SESN2: variants seen among roughly 807,000 people sequenced by gnomAD.
The protein encoded by SESN2 is sestrin-2.
Under a neutral mutation model 56.0 loss-of-function variants are expected in SESN2, and 42 were observed. The ratio of observed to expected loss-of-function variants is 0.75; its 90% CI spans 0.59 to 0.97. SESN2 has a LOEUF of 0.97. SESN2 is among the 50% of genes least tolerant of loss of function. SESN2 has a pLI of 0.00. For synonymous variants in SESN2, 264 were observed against 267.1 expected (o/e 0.99, Z 0.11); for missense variants, 507 against 649.4 (o/e 0.78, Z 2.38).
chr1:28,266,520 C>G (rs549821316), intron 1 of SESN2, among the ~76,000 whole-genome samples: 27 of 148,846 alleles, frequency 1.8e-4, no homozygotes, highest in African/African-American at 6.6e-4. Context: ...GTGGAGCTGT[C>G]ATTTGAGCTC....
chr1:28,279,574 C>T (rs1389938474), intron 9 of SESN2, among the ~76,000 whole-genome samples: 1 of 150,986 alleles, frequency 6.6e-6, no homozygotes, highest in Non-Finnish European at 1.5e-5. Context: ...TGAGATGAGT[C>T]TCCCTTTGTT....
chr1:28,266,143 G>T (rs1647552801), intron 1 of SESN2, among the ~76,000 whole-genome samples: 1 of 152,142 alleles, frequency 6.6e-6, no homozygotes, highest in African/African-American at 2.4e-5. Flanking sequence ...TTAGCATAGT[G>T]CCTTATACTT....
At chr1:28,273,281 C>T in intron 5 of SESN2, 77 bp from the exon 6 acceptor site, 2 of 1,409,714 alleles carry the variant, frequency 1.4e-6, no homozygotes, top group South Asian at 1.5e-5. Context: ...AAGGCCTGGC[C>T]TCTGGGAAGG....
rs762939539 is a variant in SESN2, at chr1:28,272,688, C to T, written c.645C>T (p.Gly215=). The T allele has an allele frequency of 3.7e-6, 6 of 1,613,954 alleles. No homozygotes were observed. The highest frequency in any genetic ancestry group is 5.1e-6 in the Non-Finnish European group (6 of 1,179,830). The stretch of plus-strand genomic sequence containing the variant: ...TCTCCTCCTTCGTGTTTGGCTGTGG[C>T]ATCCTCCCTGAGGGGGATGCAGATG... ...HSLSSFVFGC[G]ILPEGDADGS... Residue 215 remains glycine (G), a synonymous_variant, in exon 5 of 10, where the codon GGC becomes GGT. Transcript: ENST00000253063.
intron 1 of SESN2, among the ~76,000 whole-genome samples, chr1:28,266,716 A>G (rs75968730): frequency 0.014 from 2,193 of 152,084 alleles, 17 homozygotes; most frequent in Middle Eastern, 0.031. Flanking sequence ...GTGTGCTACC[A>G]TGCCCAGCTA....
chr1:28,275,111 CCTTT>C (rs1351088361), intron 8 of SESN2, 96 bp downstream of exon 8: 4 of 905,202 alleles, frequency 4.4e-6, no homozygotes, highest in South Asian at 2.3e-5. Context: ...TTTTTCTTTT[CCTTT>C]CTTCTTGCCT....
chr1:28,274,840 G>T lies in SESN2; in HGVS notation c.1036G>T (p.Asp346Tyr). The T allele has an allele frequency of 1.2e-6, 2 of 1,613,588 alleles. No individual in the cohort carries two copies. The highest frequency in any genetic ancestry group is 1.1e-5 in the South Asian group (1 of 91,014). The change falls in exon 8 of 10, where the codon GAC becomes TAC. Residue 346 changes from aspartate (D) to tyrosine (Y), a missense_variant. Physicochemically the swap from Asp to Tyr is radical, Grantham distance 160. Coordinates refer to ENST00000253063, the MANE Select transcript of SESN2 (RefSeq NM_031459.5). ...TFRAQDYTWE[D>Y]HGYSLIQRLY... The stretch of plus-strand genomic sequence containing the variant: ...CCTACCTAAGGATTATACCTGGGAA[G>T]ACCATGGCTACTCGCTGATCCAGCG...
At chr1:28,276,348 G>A (rs1648039842) in intron 8 of SESN2, among the ~76,000 whole-genome samples, 1 of 151,508 alleles carries the variant, frequency 6.6e-6, no homozygotes, top group African/African-American at 2.4e-5. Flanking sequence ...GTGTGGTGGT[G>A]CATGCCTATA....
At chr1:28,270,318 T>C (rs1279316477) in intron 2 of SESN2, among the ~76,000 whole-genome samples, 2 of 150,264 alleles carry the variant, frequency 1.3e-5, no homozygotes, top group Non-Finnish European at 3.0e-5. Context: ...GCCACTGCAC[T>C]CCAGCTTGCG....
chr1:28,275,879 C>A (rs1330324508), intron 8 of SESN2, among the ~76,000 whole-genome samples: 11 of 151,952 alleles, frequency 7.2e-5, no homozygotes, highest in Admixed American at 6.6e-4. Context: ...CATAGTGAGA[C>A]CCCCATCTCT....
At position 28,274,878 on chromosome 1, in the gene SESN2, G is replaced by T. The variant is rs759691550; in HGVS notation, c.1074G>T (p.Glu358Asp). The change falls in exon 8 of 10, where the codon GAG becomes GAT. Residue 358 changes from glutamate to aspartate, a missense_variant. By Grantham distance (45) the Glu-to-Asp change is conservative. Transcript: ENST00000253063. ...CGCTGATCCAGCGGCTTTACCCTGA[G>T]GGTGGGCAGCTGCTGGATGAGAAGT... ...GYSLIQRLYP[E>D]GGQLLDEKFQ... 4 of 1,614,074 alleles carry T rather than the reference G, an allele frequency of 2.5e-6. No individual in the cohort carries two copies. The African/African-American group carries it at 4.0e-5, about 16-fold the overall frequency.
intron 1 of SESN2, among the ~76,000 whole-genome samples, chr1:28,268,762 CAT>C (rs952745342): frequency 6.6e-5 from 10 of 151,964 alleles, no homozygotes; most frequent in South Asian, 2.1e-4. Flanking sequence ...AACGAACGAA[CAT>C]GTGAGAGAAA....
At chr1:28,275,166 A>G in intron 8 of SESN2, 151 bp downstream of exon 8, 1 of 593,632 alleles carries the variant, frequency 1.7e-6, no homozygotes, top group Non-Finnish European at 2.9e-6. Context: ...AAAAGATGAC[A>G]GTACTCATTG....
intron 6 of SESN2, 130 bp downstream of exon 6, chr1:28,273,638 G>A (rs909589333): frequency 1.1e-6 from 1 of 901,120 alleles, no homozygotes. Context: ...TCTGAGCATG[G>A]GCCTTGGGCT....
At position 28,264,690 on chromosome 1, in the gene SESN2, A is replaced by G. The variant is rs575113256; in HGVS notation, c.91-4493A>G. 7.9e-5 allele frequency among the ~76,000 whole-genome samples: 12 copies of G among 152,376 alleles called. 1 individual carries two copies. In the South Asian group the frequency reaches 2.5e-3, roughly 32 times the overall value. On this transcript the variant is annotated intron_variant, in intron 1 of 9. Transcript: ENST00000253063. ...TTTAGATAAATTAAAATTAAATAAA[A>G]TGAAAATTTTTTGTTGCATTTGTCA... is the stretch of plus-strand genomic sequence containing the variant.
In SESN2 at chr1:28,275,296, TACAC is replaced by T. The variant is rs71586836; in HGVS notation, c.1211+300_1211+303del. Among the ~76,000 whole-genome samples the T allele has an allele frequency of 3.8e-3, 571 of 149,666 alleles. 8 individuals are homozygous for T. Among genetic ancestry groups the T allele is most frequent in the African/African-American group, 0.012 (505 of 40,910 alleles). The stretch of plus-strand genomic sequence containing the variant: ...ACACATATATACACATATACATGCA[TACAC>T]ACACACACACACACACACTATATAT... On this transcript the variant is annotated intron_variant, in intron 8 of 9. Coordinates refer to ENST00000253063, the MANE Select transcript of SESN2 (RefSeq NM_031459.5).
Position 28,278,423 on chromosome 1 carries a change from C to T in SESN2, c.1212-674C>T, listed in dbSNP as rs532829477. Among the ~76,000 whole-genome samples, 4 of 152,186 alleles carry T rather than the reference C, an allele frequency of 2.6e-5. No individual in the cohort carries two copies. In the South Asian group the frequency reaches 8.3e-4, roughly 32 times the overall value. ...CTCTACTAAAAATACAAAAATTAGC[C>T]GGGCACAGTGGCATGTACCTGTAAT... On this transcript the variant is annotated intron_variant, in intron 8 of 9. Transcript: ENST00000253063.
chr1:28,273,856 A>C (rs149301505), intron 6 of SESN2, among the ~76,000 whole-genome samples, 184 bp from the exon 7 acceptor site: 1 of 152,148 alleles, frequency 6.6e-6, no homozygotes, highest in Non-Finnish European at 1.5e-5. Flanking sequence ...TCATGGGTCC[A>C]TGGGCCTGAT....
At chr1:28,260,065 C>G (rs571034395) in intron 1 of SESN2, 128 bp downstream of exon 1, 12 of 652,136 alleles carry the variant, frequency 1.8e-5, no homozygotes, top group Admixed American at 1.2e-4. Context: ...AACCCGGGAC[C>G]CGGGTTGCAT....
Sources: allele counts gnomAD v4.1 joint callset (sites outside exome capture counted in the v4.1 genomes callset), GRCh38; gene constraint gnomAD v4.1.1; transcripts MANE v1.5; gene names NCBI Gene and HGNC (gene_info 2026-07-23, HGNC 2026-07-21).